Variants in RSPH3 observed in about 807,000 individuals in gnomAD.
The protein encoded by RSPH3 is radial spoke head protein 3 homolog.
Under a neutral mutation model 43.8 loss-of-function variants are expected in RSPH3, and 21 were observed. That is an observed-to-expected ratio of 0.48 (90% CI 0.34 to 0.69). RSPH3 has a LOEUF of 0.69. Among genes scored for constraint, RSPH3 ranks in the 30% least tolerant of loss-of-function variants. The pLI is 0.01. For synonymous variants in RSPH3, 173 were observed against 179.8 expected (o/e 0.96, Z 0.30); for missense variants, 487 against 516.0 (o/e 0.94, Z 0.54).
rs760122351 is a variant in RSPH3 at position 158,993,874 on chromosome 6, G to A, written c.169C>T (p.Arg57Ter). 3.7e-6 allele frequency: 6 copies of A among 1,611,818 alleles called. No homozygotes were observed. Among genetic ancestry groups the A allele is most frequent in the Non-Finnish European group, 5.1e-6 (6 of 1,178,170 alleles). Residue 57 changes from arginine (R) to a stop codon, truncating the protein, a stop_gained, in exon 2 of 8, where the codon CGA (arginine) becomes TGA (stop). Transcript: ENST00000367069. LOFTEE classifies it high-confidence loss of function. ...GTCTGGAGTGCATAAGTGTTACCTCGAATTACCCTTCTGTCATACATTATG... is the reference window on the plus strand; with the variant it reads ...GTCTGGAGTGCATAAGTGTTACCTCAAATTACCCTTCTGTCATACATTATG... ...GNIMYDRRVI[R>*]GNTYALQTGP...
At chr6:158,965,325 G>C in the RSPH3 span, among the ~76,000 whole-genome samples, 18 of 152,074 alleles carry the variant, frequency 1.2e-4, no homozygotes, top group Non-Finnish European at 2.2e-4. Flanking sequence ...AAAAAAGTCT[G>C]TTGGGATTTT....
rs1778114677 is a variant in RSPH3 at position 158,983,656 on chromosome 6, C to T, written c.492+6G>A. The T allele has an allele frequency of 6.2e-7, 1 of 1,609,268 alleles. No homozygotes were observed. The highest frequency in any genetic ancestry group is 1.7e-5 in the Admixed American group (1 of 60,012). ...TATAGAGGGAAGCCCAAAGGATGTA[C>T]TGTACCTCTCCTTCTAGTATTTGGG... is the stretch of plus-strand genomic sequence containing the variant. On this transcript the variant is annotated splice_donor_region_variant and intron_variant, in intron 4 of 7. Coordinates refer to ENST00000367069, the MANE Select transcript of RSPH3 (RefSeq NM_031924.8).
At chr6:158,992,212 C>T (rs746212167) in intron 2 of RSPH3, among the ~76,000 whole-genome samples, 8 of 150,022 alleles carry the variant, frequency 5.3e-5, no homozygotes, top group Non-Finnish European at 1.0e-4. Context: ...TTTCTTGATA[C>T]TCCCTGCCTC....
chr6:158,990,387 C>G (rs117531769), intron 2 of RSPH3: 7 of 152,116 alleles, frequency 4.6e-5, no homozygotes, highest in African/African-American at 1.7e-4. Flanking sequence ...TAGAATATTG[C>G]TGGTGGTAAT....
At chr6:158,990,937 C>CA (rs1562565317) in intron 2 of RSPH3, among the ~76,000 whole-genome samples, 1 of 149,528 alleles carries the variant, frequency 6.7e-6, no homozygotes, top group Non-Finnish European at 1.5e-5. Context: ...GGATAACTTC[C>CA]GTTCTTCATT....
chr6:158,963,207 T>C, the RSPH3 span, among the ~76,000 whole-genome samples: 1 of 152,182 alleles, frequency 6.6e-6, no homozygotes, highest in Non-Finnish European at 1.5e-5. Flanking sequence ...ATAAAAAGAC[T>C]GAAAGGCAAT....
In RSPH3 at chr6:158,999,747, C is replaced by G. The variant is rs748095203; in HGVS notation, c.-197G>C. The stretch of plus-strand genomic sequence containing the variant: ...GGTGGGAGCTATACTGGGCTCGCTC[C>G]CAGCACCACAGAGACCAGCTGCGGG... On this transcript the variant is annotated 5_prime_UTR_variant, in exon 1 of 8. Transcript: ENST00000367069. 1 of 1,611,624 alleles carries G rather than the reference C, an allele frequency of 6.2e-7. No individual in the cohort carries two copies.
Position 158,977,471 on chromosome 6 carries a change from G to A in RSPH3, c.*67C>T, listed in dbSNP as rs866343695. 3.6e-6 allele frequency: 5 copies of A among 1,374,444 alleles called. No individual in the cohort carries two copies. Among genetic ancestry groups the A allele is most frequent in the Middle Eastern group, 1.8e-4 (1 of 5,410 alleles). 85.1% of individuals were successfully genotyped at this position (1,374,444 alleles called of 1,614,324 possible). On this transcript the variant is annotated 3_prime_UTR_variant, in exon 8 of 8. Coordinates refer to ENST00000367069, the MANE Select transcript of RSPH3 (RefSeq NM_031924.8). ...TAATTTCTATAACCTGAGGGGACTC[G>A]CACATCATTACCTGATTGCTTGCTG...
At chr6:158,963,357 T>TCTTC in the RSPH3 span, among the ~76,000 whole-genome samples, 1 of 148,702 alleles carries the variant, frequency 6.7e-6, no homozygotes, top group Non-Finnish European at 1.5e-5. Flanking sequence ...TTCCTTTCTT[T>TCTTC]CTTTCAGATA....
chr6:158,978,735 T>C (rs1777933134), intron 6 of RSPH3, among the ~76,000 whole-genome samples: 1 of 152,176 alleles, frequency 6.6e-6, no homozygotes, highest in South Asian at 2.1e-4. Context: ...GAGACAGGGT[T>C]TCACCATGTT....
At chr6:158,995,808 C>T (rs972087607) in intron 1 of RSPH3, among the ~76,000 whole-genome samples, 2 of 152,048 alleles carry the variant, frequency 1.3e-5, no homozygotes, top group African/African-American at 2.4e-5. Context: ...ACCGTGTTAG[C>T]CAGGATGGTC....
Position 158,975,732 on chromosome 6 carries a change from T to C in RSPH3, c.*1806A>G, listed in dbSNP as rs1402910813. The C allele has an allele frequency of 2.0e-5, 3 of 152,240 alleles. No individual in the cohort carries two copies. Among genetic ancestry groups the C allele is most frequent in the Admixed American group, 6.5e-5 (1 of 15,288 alleles). The allele number at this position is 152,240 out of a possible 1,614,324, so 9.4% of individuals were successfully genotyped here. On this transcript the variant is annotated 3_prime_UTR_variant, in exon 8 of 8. Coordinates refer to ENST00000367069, the MANE Select transcript of RSPH3 (RefSeq NM_031924.8). ...AGGTTGCCATGAGGCCTAAGTGTTA[T>C]AGTGAAATACTATATGGGAAAATGG...
the RSPH3 span, among the ~76,000 whole-genome samples, chr6:158,967,769 A>G: frequency 2.6e-5 from 4 of 152,158 alleles, no homozygotes; most frequent in Non-Finnish European, 5.9e-5. Context: ...TGTTAGGTGC[A>G]TATGTGTTTA....
At chr6:158,966,193 A>C in the RSPH3 span, among the ~76,000 whole-genome samples, 1 of 152,142 alleles carries the variant, frequency 6.6e-6, no homozygotes, top group Non-Finnish European at 1.5e-5. Flanking sequence ...CCTTGGATAA[A>C]TCCCACTTGG....
the RSPH3 span, among the ~76,000 whole-genome samples, chr6:158,963,819 T>G: frequency 1.3e-5 from 2 of 152,088 alleles, no homozygotes; most frequent in African/African-American, 4.8e-5. Flanking sequence ...CTCAAACTCT[T>G]GGGCTCAAGC....
Position 158,977,579 on chromosome 6 carries a change from T to C in RSPH3, c.1216A>G (p.Thr406Ala). 1 of 1,613,754 alleles carries C rather than the reference T, an allele frequency of 6.2e-7. No homozygotes were observed. Among genetic ancestry groups the C allele is most frequent in the Non-Finnish European group, 8.5e-7 (1 of 1,179,952 alleles). Residue 406 changes from threonine (T) to alanine (A), a missense_variant, in exon 8 of 8, where the codon ACA becomes GCA. Physicochemically the swap from Thr to Ala is moderately conservative, Grantham distance 58. Transcript: ENST00000367069. ...TCCCCTAAGGACTTCCTCATTGCTG[T>C]TTCTTCATCTTGCCCTAAGAGTTCT... ...ERELLGQDEE[T>A]AMRKSLGEEE...
chr6:158,997,407 G>C (rs1162059439), intron 1 of RSPH3, among the ~76,000 whole-genome samples: 1 of 151,754 alleles, frequency 6.6e-6, no homozygotes, highest in Non-Finnish European at 1.5e-5. Context: ...AAGTACCTGG[G>C]ATTACAGGTA....
the RSPH3 span, among the ~76,000 whole-genome samples, chr6:158,966,828 C>T: frequency 6.6e-6 from 1 of 151,472 alleles, no homozygotes. Flanking sequence ...TTTATTTCTG[C>T]TCTAATCTTT....
chr6:158,995,866 C>T (rs150229357), intron 1 of RSPH3, among the ~76,000 whole-genome samples: 2,719 of 152,152 alleles, frequency 0.018, 34 homozygotes, highest in Middle Eastern at 0.024. Flanking sequence ...CCCAAAGTAC[C>T]GGGATTACAG....
Sources: gnomAD v4.1 joint callset for allele counts (sites outside exome capture counted in the v4.1 genomes callset) on GRCh38, gnomAD v4.1.1 for gene constraint, MANE v1.5 for transcripts, NCBI Gene and HGNC (gene_info 2026-07-23, HGNC 2026-07-21) for gene names.